Variants in PTPRJ observed in about 807,000 individuals in gnomAD.
PTPRJ encodes receptor-type tyrosine-protein phosphatase eta.
PTPRJ carries 129 observed loss-of-function variants against 141.3 expected under a neutral mutation model. That is an observed-to-expected ratio of 0.91 (90% CI 0.79 to 1.06). The LOEUF (loss-of-function observed/expected upper bound fraction) is 1.06. Among genes scored for constraint, PTPRJ ranks in the 50% least tolerant of loss-of-function variants. The probability of loss-of-function intolerance (pLI) is 0.00; values close to 1 mark genes in which losing one functional copy is unlikely to be tolerated. For missense variants in PTPRJ, 1,601 were observed against 1,679.7 expected (o/e 0.95, Z 0.82); for synonymous variants, 610 against 640.5 (o/e 0.95, Z 0.72).
intron 1 of PTPRJ, among the ~76,000 whole-genome samples, chr11:48,084,548 A>T (rs1855646202): frequency 6.6e-6 from 1 of 152,164 alleles, no homozygotes; most frequent in Non-Finnish European, 1.5e-5. Flanking sequence ...GGGCGGGTCA[A>T]ACTTGCTTAG....
chr11:48,093,447 C>T (rs1217577405), intron 1 of PTPRJ, among the ~76,000 whole-genome samples: 1 of 152,120 alleles, frequency 6.6e-6, no homozygotes, highest in Non-Finnish European at 1.5e-5. Flanking sequence ...TTATTGCCAG[C>T]TTAACTTGTT....
chr11:47,992,531 C>T (rs1854222794), intron 1 of PTPRJ, among the ~76,000 whole-genome samples: 1 of 152,116 alleles, frequency 6.6e-6, no homozygotes. Flanking sequence ...CAGTGGAGTC[C>T]TCCAGTTTGG....
In PTPRJ at chr11:48,156,113, G is replaced by C. The variant is rs749542742; in HGVS notation, c.3432G>C (p.Gln1144His). Reference sequence around the variant, plus strand: ...TTATGTTGACTAAATGTGTTGAACAGGGAAGAGTAAGTATCTTTTTTAGTT... The same window carrying C: ...TTATGTTGACTAAATGTGTTGAACACGGAAGAGTAAGTATCTTTTTTAGTT... ...AIIMLTKCVEQGRTKCEEYWP... is the reference protein window; with the variant it reads ...AIIMLTKCVEHGRTKCEEYWP... The change falls in exon 21 of 25, where the codon CAG (glutamine) becomes CAC (histidine). Residue 1144 changes from glutamine (Q) to histidine (H), a missense_variant. Physicochemically the swap from Gln to His is conservative, Grantham distance 24 (BLOSUM62 0). Transcript: ENST00000418331. 1 of 1,585,790 alleles carries C rather than the reference G, an allele frequency of 6.3e-7. No individual in the cohort carries two copies. The highest frequency in any genetic ancestry group is 1.7e-5 in the Admixed American group (1 of 58,946).
intron 1 of PTPRJ, among the ~76,000 whole-genome samples, chr11:48,002,885 A>T (rs921399185): frequency 8.5e-5 from 13 of 152,160 alleles, no homozygotes; most frequent in Non-Finnish European, 1.6e-4. Flanking sequence ...ATTTAAAAAA[A>T]TTTATTTTTT....
At chr11:48,125,513 C>T (rs1268386013) in intron 6 of PTPRJ, among the ~76,000 whole-genome samples, 2 of 152,194 alleles carry the variant, frequency 1.3e-5, no homozygotes, top group Non-Finnish European at 2.9e-5. Flanking sequence ...AACAAATAAT[C>T]ATTGCTTGTT....
chr11:48,122,551 T>G (rs974409201), intron 4 of PTPRJ, among the ~76,000 whole-genome samples: 2 of 152,210 alleles, frequency 1.3e-5, no homozygotes, highest in Non-Finnish European at 2.9e-5. Context: ...GTGGAGAAGT[T>G]AAGTTTCTTC....
chr11:48,035,251 G>T (rs894148617), intron 1 of PTPRJ, among the ~76,000 whole-genome samples: 2 of 152,202 alleles, frequency 1.3e-5, no homozygotes, highest in Non-Finnish European at 2.9e-5. Context: ...GTCAGAGCTT[G>T]GCTTTGAAAG....
At position 48,127,974 on chromosome 11, in the gene PTPRJ, T is replaced by C; in HGVS notation, c.1288T>C (p.Tyr430His). 1.2e-6 allele frequency: 2 copies of C among 1,614,184 alleles called. No individual in the cohort carries two copies. The highest frequency in any genetic ancestry group is 1.7e-6 in the Non-Finnish European group (2 of 1,180,020). The change falls in exon 7 of 25, where the codon TAC (tyrosine) becomes CAC (histidine). Residue 430 changes from tyrosine to histidine, a missense_variant. By Grantham distance (83) the Tyr-to-His change is moderately conservative (BLOSUM62 2). Transcript: ENST00000418331. ...VIPGLRSSTF[Y>H]NITVCPVLGD... ...CCCCGGACTCCGCTCCAGCACCTTC[T>C]ACAACATCACAGTGTGTCCTGTCCT...
In PTPRJ at chr11:48,146,875, G is replaced by C; in HGVS notation, c.2912-1G>C. The C allele has an allele frequency of 1.2e-6, 2 of 1,613,910 alleles. No homozygotes were observed. Among genetic ancestry groups the C allele is most frequent in the Non-Finnish European group, 1.7e-6 (2 of 1,179,844 alleles). ...GTGTCTCCCATTTGGACTTTTCTCA[G>C]GTGTCATCTGTGGAGCGGTTTTTGG... On this transcript the variant is annotated splice_acceptor_variant, in intron 14 of 24. Coordinates refer to ENST00000418331, the MANE Select transcript of PTPRJ (RefSeq NM_002843.4). LOFTEE classifies it high-confidence loss of function.
intron 8 of PTPRJ, chr11:48,132,519 G>T (rs766198014): frequency 1.3e-4 from 129 of 981,840 alleles, no homozygotes; most frequent in Non-Finnish European, 1.5e-4. Context: ...AAAACATACA[G>T]TCTTCCTTGA....
rs540148682 is a variant in PTPRJ, at chr11:48,019,885, G to A, written c.96+38877G>A. Among the ~76,000 whole-genome samples, 36 of 152,214 alleles carry A rather than the reference G, an allele frequency of 2.4e-4. 1 individual carries two copies. The highest frequency in any genetic ancestry group is 2.3e-3 in the South Asian group (11 of 4,818). ...CAGGAAAGATTTGTGTTGGTACCCT[G>A]TTATATTTGCTTTGCATCACATATT... On this transcript the variant is annotated intron_variant, in intron 1 of 24. Transcript: ENST00000418331.
At chr11:47,993,827 GTTCAT>G (rs904958264) in intron 1 of PTPRJ, among the ~76,000 whole-genome samples, 1 of 150,714 alleles carries the variant, frequency 6.6e-6, no homozygotes, top group African/African-American at 2.5e-5. Flanking sequence ...CCATCAAACA[GTTCAT>G]TTTTTTTTTT....
rs575461217 is a variant in PTPRJ, at chr11:47,986,609, C to T, written c.96+5601C>T. Reference sequence around the variant, plus strand: ...TCCACTTACTGCAACCTCCGCCTCCCGGGTTCAAGCAATTCTACTGCCTTA... The same window carrying T: ...TCCACTTACTGCAACCTCCGCCTCCTGGGTTCAAGCAATTCTACTGCCTTA... On this transcript the variant is annotated intron_variant, in intron 1 of 24. Transcript: ENST00000418331. Among the ~76,000 whole-genome samples the T allele has an allele frequency of 3.9e-5, 6 of 152,258 alleles. No individual in the cohort carries two copies. In the East Asian group the frequency reaches 5.8e-4, roughly 15 times the overall value.
chr11:48,061,218 C>T (rs751506187), intron 1 of PTPRJ, among the ~76,000 whole-genome samples: 4 of 152,118 alleles, frequency 2.6e-5, no homozygotes, highest in East Asian at 1.9e-4. Flanking sequence ...TCAGGTGATC[C>T]GCCTACCTCG....
chr11:48,167,601 C>CT lies in PTPRJ; in HGVS notation c.*252dup, dbSNP rs879001248. On this transcript the variant is annotated 3_prime_UTR_variant, in exon 25 of 25. Coordinates refer to ENST00000418331, the MANE Select transcript of PTPRJ (RefSeq NM_002843.4). ...CCTGATGACCAATGGGATGAGGTCACTTTTTTTTTTTTTCCCCCTTGAGGA... is the reference window on the plus strand; with the variant it reads ...CCTGATGACCAATGGGATGAGGTCACTTTTTTTTTTTTTTCCCCCTTGAGGA... 0.064 allele frequency: 18,759 copies of CT among 292,948 alleles called. No individual in the cohort carries two copies. Among genetic ancestry groups the CT allele is most frequent in the Middle Eastern group, 0.11 (113 of 1,072 alleles). 18.1% of individuals were successfully genotyped at this position (292,948 alleles called of 1,614,324 possible).
intron 1 of PTPRJ, among the ~76,000 whole-genome samples, chr11:48,074,207 A>G (rs1004235096): frequency 6.6e-6 from 1 of 151,814 alleles, no homozygotes; most frequent in South Asian, 2.1e-4. Flanking sequence ...ATTTTTAAAA[A>G]CTAAAAAAAG....
chr11:48,003,073 C>T (rs181762928), intron 1 of PTPRJ, among the ~76,000 whole-genome samples: 5 of 152,212 alleles, frequency 3.3e-5, no homozygotes, highest in South Asian at 2.1e-4. Flanking sequence ...GAGCAGGGAC[C>T]GTTTCAGGTC....
intron 3 of PTPRJ, among the ~76,000 whole-genome samples, chr11:48,116,134 TAA>T (rs113529146): frequency 6.8e-6 from 1 of 146,442 alleles, no homozygotes; most frequent in Non-Finnish European, 1.5e-5. Context: ...GTGAATGGGT[TAA>T]AAAAAAAAAC....
rs150809236 is a variant in PTPRJ, at chr11:48,164,398, G to A, written c.3738G>A (p.Thr1246=). The A allele has an allele frequency of 1.4e-4, 230 of 1,613,934 alleles. 1 individual carries two copies. Among genetic ancestry groups the A allele is most frequent in the African/African-American group, 7.9e-4 (59 of 74,964 alleles). The part of the protein sequence containing the change: ...LVHCSAGVGR[T]GTFIAIDRLI... ...CTCTCAGTGCTGGGGTCGGAAGGAC[G>A]GGCACTTTCATTGCCATTGATCGTC... Residue 1246 remains threonine, a synonymous_variant, in exon 24 of 25, where the codon ACG becomes ACA. Coordinates refer to ENST00000418331, the MANE Select transcript of PTPRJ (RefSeq NM_002843.4).
Sources: allele counts gnomAD v4.1 joint callset (sites outside exome capture counted in the v4.1 genomes callset), GRCh38; gene constraint gnomAD v4.1.1; transcripts MANE v1.5; gene names NCBI Gene and HGNC (gene_info 2026-07-23, HGNC 2026-07-21).